The following AHNAK variants were observed in gnomAD, a reference collection of about 807,000 sequenced individuals.
AHNAK encodes neuroblast differentiation-associated protein AHNAK.
A neutral mutation model predicts 37.8 loss-of-function variants in AHNAK; 23 were observed. The observed-to-expected ratio is 0.61, with a 90% confidence interval of 0.44 to 0.86. The LOEUF (loss-of-function observed/expected upper bound fraction) is 0.86, where lower values mean the gene tolerates loss of function less well. Ranked by LOEUF, AHNAK falls within the 40% of genes least tolerant of loss-of-function variation. AHNAK has a pLI of 0.00. For synonymous variants in AHNAK, 2,481 were observed against 2,636.3 expected, an observed-to-expected ratio of 0.94 and a Z score of 1.80; for missense variants, 7,411 against 7,319.4, an observed-to-expected ratio of 1.01 and a Z score of -0.46.
intron 4 of AHNAK, among the ~76,000 whole-genome samples, chr11:62,507,508 G>T (rs1193630756): frequency 6.6e-6 from 1 of 152,172 alleles, no homozygotes; most frequent in Non-Finnish European, 1.5e-5. Flanking sequence ...TTAAAAAACA[G>T]GGCTGGGGAT....
chr11:62,527,242 T>G lies in AHNAK; in HGVS notation c.7175A>C (p.Asp2392Ala). Residue 2392 changes from aspartate (D) to alanine (A), a missense_variant, in exon 5 of 5, where the codon GAT (aspartate) becomes GCT (alanine). By Grantham distance (126) the Asp-to-Ala change is moderately radical. Transcript: ENST00000378024. ...TGCCTTGGGGCTCTTCAAGTGTAGA[T>G]CGAGGTCTGGCATAGAGATTTTGGG... The part of the protein sequence containing the change: ...KAPKISMPDL[D>A]LHLKSPKAKG... 6.2e-7 allele frequency: 1 copy of G among 1,613,738 alleles called. No individual in the cohort carries two copies. Among genetic ancestry groups the G allele is most frequent in the Non-Finnish European group, 8.5e-7 (1 of 1,179,886 alleles).
Position 62,533,566 on chromosome 11 carries a change from A to G in AHNAK, c.851T>C (p.Leu284Pro), listed in dbSNP as rs1940840335. The change falls in exon 5 of 5, where the codon CTT becomes CCT. Residue 284 changes from leucine (L) to proline (P), a missense_variant. Leu to Pro is a moderately conservative substitution (Grantham distance 98). Transcript: ENST00000378024. ...QVPAVDISSSLGGRAVEVQGP... is the reference protein window; with the variant it reads ...QVPAVDISSSPGGRAVEVQGP... ...CTGTACCTCTACTGCCCTACCCCCA[A>G]GAGAAGATGAAATGTCCACTGCTGG... The G allele has an allele frequency of 1.2e-6, 2 of 1,613,968 alleles. No homozygotes were observed. Among genetic ancestry groups the G allele is most frequent in the East Asian group, 2.2e-5 (1 of 44,880 alleles).
chr11:62,440,722 C>G (rs1478666925), intron 5 of AHNAK, among the ~76,000 whole-genome samples: 3 of 152,156 alleles, frequency 2.0e-5, no homozygotes, highest in Non-Finnish European at 4.4e-5. Flanking sequence ...CCAGAGGGAG[C>G]CTGGCAGCGT....
At position 62,521,430 on chromosome 11, in the gene AHNAK, G is replaced by T. The variant is rs1162576710; in HGVS notation, c.12987C>A (p.Phe4329Leu). Reference protein sequence around the residue: ...VKMPKFSMPGFKGEGPDVDVT... With the variant: ...VKMPKFSMPGLKGEGPDVDVT... ...CATCCACATCTGGGCCCTCTCCTTT[G>T]AATCCTGGCATGCTGAATTTGGGCA... Residue 4329 changes from phenylalanine (F) to leucine (L), a missense_variant, in exon 5 of 5, where the codon TTC (phenylalanine) becomes TTA (leucine). Transcript: ENST00000378024. The T allele has an allele frequency of 1.9e-6, 3 of 1,613,598 alleles. No homozygotes were observed. The Admixed American group carries it at 5.0e-5, about 27-fold the overall frequency.
intron 5 of AHNAK, among the ~76,000 whole-genome samples, chr11:62,457,309 G>A (rs1341569777): frequency 7.2e-5 from 11 of 152,042 alleles, no homozygotes; most frequent in Admixed American, 2.0e-4. Flanking sequence ...TTAGCCAGGC[G>A]TGGTGGCACA....
At position 62,450,688 on chromosome 11, in the gene AHNAK, C is replaced by T. The variant is rs546644241; in HGVS notation, c.443-16797G>A. Among the ~76,000 whole-genome samples, 6 of 152,324 alleles carry T rather than the reference C, an allele frequency of 3.9e-5. No homozygotes were observed. In the South Asian group the frequency reaches 1.0e-3, roughly 26 times the overall value. On this transcript the variant is annotated intron_variant, in intron 5 of 5. Transcript: ENST00000257247. Reference sequence around the variant, plus strand: ...CTGCTCCCACCGTCTCCCTTGCCTGCAATACCCTCCTTGAGCTTCTCCACC... The same window carrying T: ...CTGCTCCCACCGTCTCCCTTGCCTGTAATACCCTCCTTGAGCTTCTCCACC...
intron 5 of AHNAK, among the ~76,000 whole-genome samples, chr11:62,435,323 A>C (rs1003081496): frequency 6.6e-6 from 1 of 152,190 alleles, no homozygotes; most frequent in East Asian, 1.9e-4. Context: ...ATGTGTGTTG[A>C]ATTATTTAGA....
chr11:62,471,527 T>C (rs1468166701), intron 5 of AHNAK, among the ~76,000 whole-genome samples: 33 of 152,244 alleles, frequency 2.2e-4, no homozygotes, highest in Admixed American at 2.2e-3. Context: ...ATTTTGACTG[T>C]GACCTGTCAC....
chr11:62,546,405 TAA>T (rs928638755), intron 1 of AHNAK, among the ~76,000 whole-genome samples: 2 of 152,244 alleles, frequency 1.3e-5, no homozygotes, highest in African/African-American at 2.4e-5. Context: ...TCCGGAGAAA[TAA>T]AGAGTGGAGC....
In AHNAK at chr11:62,519,618, T is replaced by C. The variant is rs911092137; in HGVS notation, c.14799A>G (p.Ser4933=). 3.7e-6 allele frequency: 6 copies of C among 1,613,654 alleles called. No individual in the cohort carries two copies. The highest frequency in any genetic ancestry group is 5.1e-6 in the Non-Finnish European group (6 of 1,179,854). ...LHLKAPKIGF[S]GPKLEGGEVD... is the part of the protein sequence containing the mutation. ...CTTCACCACCTTCTAACTTCGGACC[T>C]GAAAATCCAATTTTTGGTGCCTTGA... is the stretch of plus-strand genomic sequence containing the variant. Residue 4933 remains serine (S), a synonymous_variant, in exon 5 of 5, where the codon TCA becomes TCG. Transcript: ENST00000378024.
intron 4 of AHNAK, among the ~76,000 whole-genome samples, chr11:62,505,899 C>T (rs1939802327): frequency 6.6e-6 from 1 of 150,942 alleles, no homozygotes; most frequent in Admixed American, 6.6e-5. Context: ...GAAGAGCAAG[C>T]GGTCCGGGCC....
chr11:62,536,241 GC>G, intron 2 of AHNAK, 143 bp from the exon 3 acceptor site: 1 of 813,098 alleles, frequency 1.2e-6, no homozygotes, highest in Non-Finnish European at 1.8e-6. Context: ...TGGCTCACCT[GC>G]CAGGTGAGGT....
At chr11:62,450,540 G>A (rs1167516990) in intron 5 of AHNAK, among the ~76,000 whole-genome samples, 2 of 152,090 alleles carry the variant, frequency 1.3e-5, no homozygotes, top group Non-Finnish European at 2.9e-5. Context: ...AAAATCTCCA[G>A]CAGCTCCCTG....
intron 5 of AHNAK, among the ~76,000 whole-genome samples, chr11:62,459,927 G>T (rs910011935): frequency 6.6e-6 from 1 of 151,960 alleles, no homozygotes; most frequent in Non-Finnish European, 1.5e-5. Context: ...ATCACCTGAG[G>T]TCAGGAGTTC....
rs1488372367 is a variant in AHNAK, at chr11:62,531,928, G to A, written c.2489C>T (p.Pro830Leu). ...MPDVDLHLKGPNVKGEYDVTM... is the reference protein window; with the variant it reads ...MPDVDLHLKGLNVKGEYDVTM... The stretch of plus-strand genomic sequence containing the variant: ...GACATCATATTCTCCCTTTACGTTA[G>A]GGCCTTTCAGATGTAAGTCCACATC... Residue 830 changes from proline to leucine, a missense_variant, in exon 5 of 5, where the codon CCT becomes CTT. Pro to Leu is a moderately conservative substitution (Grantham distance 98, BLOSUM62 -3). Transcript: ENST00000378024. 6.2e-7 allele frequency: 1 copy of A among 1,613,576 alleles called. No homozygotes were observed. Among genetic ancestry groups the A allele is most frequent in the Admixed American group, 1.7e-5 (1 of 59,948 alleles).
intron 5 of AHNAK, among the ~76,000 whole-genome samples, chr11:62,481,369 AGTGCTG>A (rs1939269224): frequency 6.6e-6 from 1 of 151,872 alleles, no homozygotes; most frequent in Non-Finnish European, 1.5e-5. Context: ...GGCCTCCCAG[AGTGCTG>A]GGACTACAGG....
At chr11:62,540,879 C>T (rs769255593) in intron 1 of AHNAK, among the ~76,000 whole-genome samples, 3 of 152,112 alleles carry the variant, frequency 2.0e-5, no homozygotes, top group South Asian at 2.1e-4. Flanking sequence ...GAGGATGTGC[C>T]GAGCAGCAGG....
intron 5 of AHNAK, among the ~76,000 whole-genome samples, chr11:62,465,957 G>A (rs1426606123): frequency 6.6e-6 from 1 of 152,202 alleles, no homozygotes; most frequent in African/African-American, 2.4e-5. Context: ...ATAAGTGGCT[G>A]TTGTTCAAAG....
At chr11:62,468,567 C>G (rs2134841984) in intron 5 of AHNAK, among the ~76,000 whole-genome samples, 1 of 152,174 alleles carries the variant, frequency 6.6e-6, no homozygotes, top group South Asian at 2.1e-4. Context: ...TTCCACACCA[C>G]CAAGCCAAAA....
Sources: gnomAD v4.1 joint callset for allele counts (sites outside exome capture counted in the v4.1 genomes callset) on GRCh38, gnomAD v4.1.1 for gene constraint, MANE v1.5 for transcripts, NCBI Gene and HGNC (gene_info 2026-07-23, HGNC 2026-07-21) for gene names.